The following ARSK variants were observed in gnomAD, a reference collection of about 807,000 sequenced individuals.
ARSK encodes arylsulfatase K.
ARSK carries 37 observed loss-of-function variants against 53.2 expected under a neutral mutation model. The observed-to-expected ratio is 0.70, with a 90% CI of 0.54 to 0.92. The LOEUF is 0.92. Among genes scored for constraint, ARSK ranks in the 40% least tolerant of loss-of-function variants. The pLI is 0.00. For synonymous variants in ARSK, 208 were observed against 223.2 expected, an observed-to-expected ratio of 0.93 and a Z score of 0.61; for missense variants, 613 against 643.0, an observed-to-expected ratio of 0.95 and a Z score of 0.51.
In ARSK at chr5:95,583,155, T is replaced by A. The variant is rs200225060; in HGVS notation, c.656T>A (p.Phe219Tyr). ...CCTTCACCATCTTCTGGAGAAAATT[T>A]TGGATCTTCAACATTTCACACATCT... is the stretch of plus-strand genomic sequence containing the variant. ...PYPSPSSGENFGSSTFHTSLY... is the reference protein window; with the variant it reads ...PYPSPSSGENYGSSTFHTSLY... The change falls in exon 4 of 8, where the codon TTT (phenylalanine) becomes TAT (tyrosine). Residue 219 changes from phenylalanine (F) to tyrosine (Y), a missense_variant. Physicochemically the swap from Phe to Tyr is conservative, Grantham distance 22. Transcript: ENST00000380009. 1 of 1,597,758 alleles carries A rather than the reference T, an allele frequency of 6.3e-7. No individual in the cohort carries two copies. The highest frequency in any genetic ancestry group is 1.3e-5 in the African/African-American group (1 of 74,798).
chr5:95,584,168 A>G (rs1188244279), intron 4 of ARSK, among the ~76,000 whole-genome samples: 2 of 151,658 alleles, frequency 1.3e-5, no homozygotes, highest in African/African-American at 2.4e-5. Flanking sequence ...CTGTTTTTAT[A>G]AAGTGTCACA....
In ARSK at chr5:95,555,170, A is replaced by G. The variant is rs1211405854; in HGVS notation, c.-109A>G. The G allele has an allele frequency of 1.8e-6, 2 of 1,096,308 alleles. No homozygotes were observed. Among genetic ancestry groups the G allele is most frequent in the Non-Finnish European group, 2.6e-6 (2 of 782,886 alleles). The allele number at this position is 1,096,308 out of a possible 1,614,324, so 67.9% of individuals were successfully genotyped here. ...GCTCGGCGTTACTATCAAGCAACCA[A>G]ACTGCAAGCTTTGGGAGTTGTTCGC... On this transcript the variant is annotated 5_prime_UTR_variant, in exon 1 of 8. Coordinates refer to ENST00000380009, the MANE Select transcript of ARSK (RefSeq NM_198150.3). The surrounding 1 kb of genome is among the most constrained non-coding windows in gnomAD (Gnocchi z 4.0).
intron 1 of ARSK, among the ~76,000 whole-genome samples, chr5:95,562,434 G>C (rs1053414817): frequency 6.6e-6 from 1 of 152,172 alleles, no homozygotes; most frequent in Non-Finnish European, 1.5e-5. Flanking sequence ...ATCTCATTCA[G>C]TCTGATGGAC....
At chr5:95,573,184 C>G (rs983673829) in intron 3 of ARSK, among the ~76,000 whole-genome samples, 4 of 152,074 alleles carry the variant, frequency 2.6e-5, no homozygotes, top group African/African-American at 9.7e-5. Flanking sequence ...ATTGTTTATT[C>G]TTTCATATTC....
intron 3 of ARSK, among the ~76,000 whole-genome samples, chr5:95,572,777 CA>C (rs140392324): frequency 0.19 from 27,889 of 147,726 alleles, 3,717 homozygotes; most frequent in African/African-American, 0.38. Flanking sequence ...GACTCCGTCT[CA>C]AAAAAAAAAG....
intron 3 of ARSK, chr5:95,581,066 T>C (rs1450699386): frequency 2.4e-6 from 1 of 417,700 alleles, no homozygotes; most frequent in East Asian, 7.7e-5. Context: ...GCCATGCTTA[T>C]GAAAAGGCAA....
chr5:95,570,783 CT>C (rs59188205), intron 3 of ARSK, among the ~76,000 whole-genome samples: 21,987 of 142,290 alleles, frequency 0.15, 1,868 homozygotes, highest in African/African-American at 0.29. Flanking sequence ...ATATAACCAT[CT>C]TTTTTTTTTT....
intron 1 of ARSK, among the ~76,000 whole-genome samples, chr5:95,557,743 T>C (rs921543240): frequency 6.6e-6 from 1 of 152,226 alleles, no homozygotes; most frequent in African/African-American, 2.4e-5. Flanking sequence ...ATAATAATTG[T>C]AGGAAGAAAA....
chr5:95,579,468 G>T (rs114913319), intron 3 of ARSK, among the ~76,000 whole-genome samples: 1 of 152,116 alleles, frequency 6.6e-6, no homozygotes, highest in Non-Finnish European at 1.5e-5. Context: ...GATCTCAGGA[G>T]ACTTATTCAC....
At chr5:95,561,565 CA>C (rs1355632984) in intron 1 of ARSK, among the ~76,000 whole-genome samples, 1 of 152,050 alleles carries the variant, frequency 6.6e-6, no homozygotes, top group Non-Finnish European at 1.5e-5. Flanking sequence ...TAATATTATT[CA>C]ACAATAAAAA....
Position 95,563,858 on chromosome 5 carries a change from C to T in ARSK, c.127-2140C>T, listed in dbSNP as rs183842958. Among the ~76,000 whole-genome samples, 497 of 152,140 alleles carry T rather than the reference C, an allele frequency of 3.3e-3. 2 individuals are homozygous for T. Among genetic ancestry groups the T allele is most frequent in the Non-Finnish European group, 4.9e-3 (334 of 68,008 alleles). On this transcript the variant is annotated intron_variant, in intron 1 of 7. Coordinates refer to ENST00000380009, the MANE Select transcript of ARSK (RefSeq NM_198150.3). ...CAGTGGCCACAAATTGTTATCTCCC[C>T]ATGTTCAAAAGATTGTAACCATAAG...
At position 95,567,900 on chromosome 5, in the gene ARSK, T is replaced by C; in HGVS notation, c.267T>C (p.Ser89=). Residue 89 remains serine, a synonymous_variant, in exon 3 of 8, where the codon AGT becomes AGC. Coordinates refer to ENST00000380009, the MANE Select transcript of ARSK (RefSeq NM_198150.3). ...ICCPSRAAMW[S]GLFTHLTESW... is the part of the protein sequence containing the mutation. ...TTTTTTTTTTCTCAGCAATGTGGAG[T>C]GGCCTCTTCACTCACTTAACAGAAT... 6.2e-7 allele frequency: 1 copy of C among 1,600,616 alleles called. No individual in the cohort carries two copies. The highest frequency in any genetic ancestry group is 8.5e-7 in the Non-Finnish European group (1 of 1,174,190).
intron 1 of ARSK, among the ~76,000 whole-genome samples, chr5:95,559,454 C>A (rs1056773091): frequency 3.3e-5 from 5 of 152,112 alleles, no homozygotes; most frequent in Admixed American, 6.5e-5. Flanking sequence ...CAATCCCCTG[C>A]AGATACCAAG....
intron 6 of ARSK, among the ~76,000 whole-genome samples, chr5:95,599,311 G>T (rs1010696808): frequency 6.6e-6 from 1 of 152,170 alleles, no homozygotes; most frequent in Non-Finnish European, 1.5e-5. Context: ...AGTATTAAAG[G>T]TTATTAAAAT....
chr5:95,571,077 G>A (rs781635014), intron 3 of ARSK, among the ~76,000 whole-genome samples: 2 of 152,140 alleles, frequency 1.3e-5, no homozygotes, highest in East Asian at 1.9e-4. Flanking sequence ...CACTGCACCC[G>A]GCCATAACCA....
At chr5:95,581,839 T>G (rs1243853431) in intron 3 of ARSK, among the ~76,000 whole-genome samples, 1 of 152,204 alleles carries the variant, frequency 6.6e-6, no homozygotes, top group African/African-American at 2.4e-5. Context: ...TAGAATTAAT[T>G]AGAATCTGTT....
intron 6 of ARSK, among the ~76,000 whole-genome samples, chr5:95,599,013 A>T (rs1749355520): frequency 6.6e-6 from 1 of 151,858 alleles, no homozygotes; most frequent in Non-Finnish European, 1.5e-5. Context: ...TATCTCCCTT[A>T]CCCTGCCTTC....
chr5:95,567,886 TCA>T lies in ARSK; in HGVS notation c.257-3_257-2del. 1.3e-6 allele frequency: 2 copies of T among 1,573,512 alleles called. No individual in the cohort carries two copies. Among genetic ancestry groups the T allele is most frequent in the African/African-American group, 1.4e-5 (1 of 72,290 alleles). On this transcript the variant is annotated splice_acceptor_variant and splice_polypyrimidine_tract_variant and intron_variant, in intron 2 of 7. Transcript: ENST00000380009. LOFTEE classifies it high-confidence loss of function. ...ATCCCAATTCCTTTTTTTTTTTTTC[TCA>T]GCAATGTGGAGTGGCCTCTTCACTC...
At chr5:95,602,190 C>T (rs1326663313) in intron 7 of ARSK, among the ~76,000 whole-genome samples, 1 of 152,140 alleles carries the variant, frequency 6.6e-6, no homozygotes, top group Non-Finnish European at 1.5e-5. Context: ...TTTCATCAGC[C>T]TTTTTCTGCC....
Sources: allele counts gnomAD v4.1 joint callset (sites outside exome capture counted in the v4.1 genomes callset), GRCh38; gene constraint gnomAD v4.1.1; non-coding constraint Gnocchi (gnomAD v3.1); transcripts MANE v1.5; gene names NCBI Gene and HGNC (gene_info 2026-07-23, HGNC 2026-07-21).